TRANK1: variants seen among roughly 807,000 people sequenced by gnomAD.
TRANK1 encodes the protein TPR and ankyrin repeat-containing protein 1.
Under a neutral mutation model 266.0 loss-of-function variants are expected in TRANK1, and 198 were observed. That is an observed-to-expected ratio of 0.74 (90% CI 0.66 to 0.84). The LOEUF is 0.84. Ranked by LOEUF, TRANK1 falls within the 40% of genes least tolerant of loss-of-function variation. TRANK1 has a pLI of 0.00. For missense variants in TRANK1, 3,326 were observed against 3,634.6 expected, an observed-to-expected ratio of 0.92 and a Z score of 2.18; for synonymous variants, 1,396 against 1,384.1, an observed-to-expected ratio of 1.01 and a Z score of -0.19.
intron 1 of TRANK1, among the ~76,000 whole-genome samples, chr3:36,932,377 C>T (rs2080372167): frequency 6.6e-6 from 1 of 152,124 alleles, no homozygotes. Context: ...TCGAGACCAG[C>T]CTGGCCAATG....
rs187740236 is a variant in TRANK1, at chr3:36,857,208, G to A, written c.2514C>T (p.Cys838=). 3.6e-4 allele frequency: 582 copies of A among 1,613,888 alleles called. No individual in the cohort carries two copies. The African/African-American group carries it at 7.2e-3, about 20-fold the overall frequency. Residue 838 remains cysteine, a synonymous_variant, in exon 13 of 24, where the codon TGC becomes TGT. Coordinates refer to ENST00000645898, the MANE Select transcript of TRANK1 (RefSeq NM_001329998.2). This position sits in a 1 kb window ranked among gnomAD's most constrained non-coding sequence, Gnocchi z 4.3. ...DFDNMTWEIE[C]TSEMLKKLSS... ...ACAGCTTCTTCAGCATTTCTGAAGTGCACTCGATCTCCCAGGTCATGTTAT... is the reference window on the plus strand; with the variant it reads ...ACAGCTTCTTCAGCATTTCTGAAGTACACTCGATCTCCCAGGTCATGTTAT...
rs999841427 is a variant in TRANK1, at chr3:36,899,392, T to A, written c.283-133A>T. 1.3e-5 allele frequency: 13 copies of A among 979,078 alleles called. No individual in the cohort carries two copies. The African/African-American group carries it at 2.1e-4, about 16-fold the overall frequency. 60.6% of individuals were successfully genotyped at this position (979,078 alleles called of 1,614,324 possible). A position where few individuals can be genotyped will look rare whatever the true frequency, so the allele number is the denominator to read the frequency against. On this transcript the variant is annotated intron_variant, in intron 3 of 23. Coordinates refer to ENST00000645898, the MANE Select transcript of TRANK1 (RefSeq NM_001329998.2). ...ACTTCTGGCTGGGCACAGTGGCTCA[T>A]GCCTGTAATCCTAACATTCCGAGAG...
intron 1 of TRANK1, among the ~76,000 whole-genome samples, chr3:36,935,866 G>A (rs1189767227): frequency 6.6e-6 from 1 of 152,148 alleles, no homozygotes; most frequent in African/African-American, 2.4e-5. Flanking sequence ...ACTTATCAGA[G>A]GCAGATGATT....
chr3:36,938,768 G>A (rs2080457905), intron 1 of TRANK1, among the ~76,000 whole-genome samples: 1 of 151,968 alleles, frequency 6.6e-6, no homozygotes, highest in South Asian at 2.1e-4. Context: ...AGACCAGCCT[G>A]GAAAACATGG....
chr3:36,879,368 C>T (rs2079439279), intron 8 of TRANK1, among the ~76,000 whole-genome samples: 1 of 151,170 alleles, frequency 6.6e-6, no homozygotes, highest in South Asian at 2.1e-4. Flanking sequence ...GAAGCAACTA[C>T]AGAGAGCTTT....
At chr3:36,907,760 G>A (rs200123977) in intron 2 of TRANK1, among the ~76,000 whole-genome samples, 17 of 152,052 alleles carry the variant, frequency 1.1e-4, no homozygotes, top group African/African-American at 3.6e-4. Flanking sequence ...CACCGCACCC[G>A]GCCAATATTT....
chr3:36,833,296 C>A lies in TRANK1; in HGVS notation c.6287G>T (p.Arg2096Met), dbSNP rs982210186. The A allele has an allele frequency of 6.2e-7, 1 of 1,613,890 alleles. No homozygotes were observed. The highest frequency in any genetic ancestry group is 1.3e-5 in the African/African-American group (1 of 74,920). Reference sequence around the variant, plus strand: ...ATTGTTGGTCACTCTTTTGAGAGCCCTGACCAGACTGAGGAGGATTTCCAA... The same window carrying A: ...ATTGTTGGTCACTCTTTTGAGAGCCATGACCAGACTGAGGAGGATTTCCAA... Reference protein sequence around the residue: ...GGLEILLSLVRALKRVTNNAE... With the variant: ...GGLEILLSLVMALKRVTNNAE... The change falls in exon 22 of 24, where the codon AGG (arginine) becomes ATG (methionine). Residue 2096 changes from arginine to methionine, a missense_variant. Coordinates refer to ENST00000645898, the MANE Select transcript of TRANK1 (RefSeq NM_001329998.2).
chr3:36,837,806 C>A (rs973854292), intron 20 of TRANK1, among the ~76,000 whole-genome samples: 1 of 152,228 alleles, frequency 6.6e-6, no homozygotes, highest in Non-Finnish European at 1.5e-5. Context: ...TCCAACAGAG[C>A]TTTCTGCAAT....
At chr3:36,870,980 A>C (rs2079300311) in intron 9 of TRANK1, among the ~76,000 whole-genome samples, 2 of 151,740 alleles carry the variant, frequency 1.3e-5, no homozygotes, top group East Asian at 1.9e-4. Flanking sequence ...AAAAAAAAAA[A>C]AAAAAAACCT....
chr3:36,941,931 T>G (rs903104066), intron 1 of TRANK1, among the ~76,000 whole-genome samples: 1 of 152,186 alleles, frequency 6.6e-6, no homozygotes, highest in African/African-American at 2.4e-5. Flanking sequence ...CATCTGGAAA[T>G]GCAGTGGAGG....
intron 8 of TRANK1, among the ~76,000 whole-genome samples, chr3:36,886,606 C>A (rs1209365097): frequency 1.3e-5 from 2 of 151,878 alleles, no homozygotes; most frequent in African/African-American, 4.8e-5. Context: ...AAAGACAGTA[C>A]AAAACAAAAA....
intron 8 of TRANK1, among the ~76,000 whole-genome samples, chr3:36,882,988 G>A (rs764055586): frequency 1.2e-4 from 18 of 151,966 alleles, no homozygotes; most frequent in Admixed American, 2.6e-4. Context: ...AAATTCTACT[G>A]GTGAGACTGT....
At chr3:36,865,131 A>C (rs1347501204) in intron 9 of TRANK1, among the ~76,000 whole-genome samples, 2 of 148,852 alleles carry the variant, frequency 1.3e-5, no homozygotes, top group Non-Finnish European at 3.0e-5. Context: ...AGGTTCAAGC[A>C]ATTCTCCTGC....
chr3:36,901,435 G>A (rs578147172), intron 3 of TRANK1, among the ~76,000 whole-genome samples: 44 of 152,178 alleles, frequency 2.9e-4, no homozygotes, highest in African/African-American at 1.0e-3. Flanking sequence ...GCAGCCCCTA[G>A]AGACCTAAAA....
rs1022572016 is a variant in TRANK1 at position 36,890,087 on chromosome 3, G to A, written c.776-127C>T. The A allele has an allele frequency of 2.4e-5, 30 of 1,260,388 alleles. 1 individual carries two copies. Among genetic ancestry groups the A allele is most frequent in the East Asian group, 1.0e-4 (4 of 38,450 alleles). The allele number at this position is 1,260,388 out of a possible 1,614,324, so 78.1% of individuals were successfully genotyped here. A position where few individuals can be genotyped will look rare whatever the true frequency, so the allele number is the denominator to read the frequency against. ...AGCAAAGCAAGTCAGTGTGGACCAC[G>A]CTAAGGTAACCAAATGAGGAATCCA... On this transcript the variant is annotated intron_variant, in intron 7 of 23. Coordinates refer to ENST00000645898, the MANE Select transcript of TRANK1 (RefSeq NM_001329998.2).
In TRANK1 at chr3:36,831,482, C is replaced by A; in HGVS notation, c.8101G>T (p.Asp2701Tyr). Residue 2701 changes from aspartate (D) to tyrosine (Y), a missense_variant, in exon 22 of 24, where the codon GAC (aspartate) becomes TAC (tyrosine). By Grantham distance (160) the Asp-to-Tyr change is radical (BLOSUM62 -3). Coordinates refer to ENST00000645898, the MANE Select transcript of TRANK1 (RefSeq NM_001329998.2). This position sits in a 1 kb window ranked among gnomAD's most constrained non-coding sequence, Gnocchi z 5.0. Reference sequence around the variant, plus strand: ...ATGGTGGCCAGGACGTGGTCTCGGTCTTCTAATGCCAGTTCATCCATCTCA... The same window carrying A: ...ATGGTGGCCAGGACGTGGTCTCGGTATTCTAATGCCAGTTCATCCATCTCA... ...QDEMDELALE[D>Y]RDHVLATILS... 3 of 1,613,260 alleles carry A rather than the reference C, an allele frequency of 1.9e-6. No individual in the cohort carries two copies. Among genetic ancestry groups the A allele is most frequent in the Non-Finnish European group, 2.5e-6 (3 of 1,179,620 alleles).
chr3:36,851,079 GGGGAGAAA>G (rs1476275764), intron 15 of TRANK1: 2 of 985,376 alleles, frequency 2.0e-6, no homozygotes, highest in East Asian at 2.3e-4. Context: ...AACTAAGCTT[GGGGAGAAA>G]AACCCACAAG....
chr3:36,935,291 T>A (rs1171729221), intron 1 of TRANK1, among the ~76,000 whole-genome samples: 2 of 152,180 alleles, frequency 1.3e-5, no homozygotes, highest in Non-Finnish European at 2.9e-5. Context: ...TGTGTGTAGC[T>A]TTTATACCAC....
chr3:36,920,792 T>C (rs1014369469), intron 1 of TRANK1, among the ~76,000 whole-genome samples: 1 of 152,216 alleles, frequency 6.6e-6, no homozygotes, highest in Non-Finnish European at 1.5e-5. Context: ...GGGAGAATCC[T>C]GAGGCCTGCC....
Sources: gnomAD v4.1 joint callset for allele counts (sites outside exome capture counted in the v4.1 genomes callset) on GRCh38, gnomAD v4.1.1 for gene constraint, Gnocchi (gnomAD v3.1) non-coding constraint, MANE v1.5 for transcripts, NCBI Gene and HGNC (gene_info 2026-07-23, HGNC 2026-07-21) for gene names.